Variants in GOSR1 observed in about 807,000 individuals in gnomAD.
GOSR1 encodes the protein 28 kDa Golgi SNARE protein.
A neutral mutation model predicts 35.5 loss-of-function variants in GOSR1; 21 were observed. That is an observed-to-expected ratio of 0.59 (90% CI 0.42 to 0.85). GOSR1 has a LOEUF of 0.85. Among genes scored for constraint, GOSR1 ranks in the 40% least tolerant of loss-of-function variants. The probability of loss-of-function intolerance (pLI) is 0.00; values close to 1 mark genes in which losing one functional copy is unlikely to be tolerated. For synonymous variants in GOSR1, 94 were observed against 106.6 expected, an observed-to-expected ratio of 0.88 and a Z score of 0.73; for missense variants, 285 against 309.6, an observed-to-expected ratio of 0.92 and a Z score of 0.60.
At chr17:30,507,145 A>G (rs930262098) in intron 6 of GOSR1, among the ~76,000 whole-genome samples, 1 of 152,204 alleles carries the variant, frequency 6.6e-6, no homozygotes, top group African/African-American at 2.4e-5. Flanking sequence ...TTGACTTTTA[A>G]GTCTTATTAT....
chr17:30,492,885 A>T (rs1915132738), intron 6 of GOSR1, 132 bp downstream of exon 6: 4 of 589,670 alleles, frequency 6.8e-6, no homozygotes, highest in Non-Finnish European at 1.2e-5. Flanking sequence ...TCTCCTAATG[A>T]CTCTTTTCAA....
chr17:30,494,299 G>A (rs1966909972), intron 6 of GOSR1, among the ~76,000 whole-genome samples: 1 of 151,924 alleles, frequency 6.6e-6, no homozygotes. Flanking sequence ...AGCAATTTAT[G>A]TTATGGATGA....
chr17:30,497,438 ATCTTTTTGGGGTAAGAACCTTT>A (rs1202168984), intron 6 of GOSR1, among the ~76,000 whole-genome samples: 1 of 152,160 alleles, frequency 6.6e-6, no homozygotes, highest in African/African-American at 2.4e-5. Context: ...TGTGGACTCT[ATCTTTTTGGGGTAAGAACCTTT>A]AAATTCTCTG....
rs773900657 is a variant in GOSR1, at chr17:30,522,304, C to T, written c.673C>T (p.Arg225Trp). The T allele has an allele frequency of 1.2e-5, 19 of 1,609,174 alleles. No individual in the cohort carries two copies. The highest frequency in any genetic ancestry group is 2.2e-5 in the South Asian group (2 of 90,124). ...GATCCAGAGGATCAACCTGAGGAAG[C>T]GGCGGGACTCGCTCATCCTAGGGGG... ...SLIQRINLRK[R>W]RDSLILGGVI... is the part of the protein sequence containing the mutation. The change falls in exon 9 of 9, where the codon CGG (arginine) becomes TGG (tryptophan). Residue 225 changes from arginine (R) to tryptophan (W), a missense_variant. By Grantham distance (101) the Arg-to-Trp change is moderately radical. Around this residue, in one of 3 missense-constraint regions of GOSR1, gnomAD observed 168 missense variants for 183.2 expected, o/e 0.92. Coordinates refer to ENST00000451249, the MANE Select transcript of GOSR1 (RefSeq NM_001007025.2).
chr17:30,509,453 A>G (rs745883641), intron 6 of GOSR1, among the ~76,000 whole-genome samples: 2 of 152,262 alleles, frequency 1.3e-5, no homozygotes, highest in Admixed American at 6.5e-5. Context: ...TAATATATGC[A>G]GTAACTTAGA....
Position 30,522,576 on chromosome 17 carries a change from A to G in GOSR1, c.*198A>G. 1 of 402,858 alleles carries G rather than the reference A, an allele frequency of 2.5e-6. No homozygotes were observed. Among genetic ancestry groups the G allele is most frequent in the Non-Finnish European group, 4.3e-6 (1 of 230,192 alleles). 25.0% of individuals were successfully genotyped at this position (402,858 alleles called of 1,614,324 possible). Reference sequence around the variant, plus strand: ...TTCTCTGTGCTGTGTTTTCTAACACATTTTTCTGTTTTTAATTAAAAAAAA... The same window carrying G: ...TTCTCTGTGCTGTGTTTTCTAACACGTTTTTCTGTTTTTAATTAAAAAAAA... On this transcript the variant is annotated 3_prime_UTR_variant, in exon 9 of 9. Transcript: ENST00000451249.
chr17:30,483,474 C>G (rs956094702), intron 2 of GOSR1, among the ~76,000 whole-genome samples: 1 of 152,072 alleles, frequency 6.6e-6, no homozygotes, highest in East Asian at 1.9e-4. Flanking sequence ...GCATATTGTT[C>G]TTTTTCATAT....
At chr17:30,494,563 G>A (rs1198683333) in intron 6 of GOSR1, among the ~76,000 whole-genome samples, 1 of 151,816 alleles carries the variant, frequency 6.6e-6, no homozygotes, top group African/African-American at 2.4e-5. Context: ...AGTTAATTTT[G>A]TATAGTTCTT....
At position 30,522,986 on chromosome 17, in the gene GOSR1, G is replaced by C. The variant is rs544395650; in HGVS notation, c.*608G>C. The C allele has an allele frequency of 6.6e-4, 138 of 208,302 alleles. 1 individual carries two copies. The Middle Eastern group carries it at 8.8e-3, about 13-fold the overall frequency. The allele number at this position is 208,302 out of a possible 1,614,324, so 12.9% of individuals were successfully genotyped here. A position where few individuals can be genotyped will look rare whatever the true frequency, so the allele number is the denominator to read the frequency against. On this transcript the variant is annotated 3_prime_UTR_variant, in exon 9 of 9. Transcript: ENST00000451249. ...GAGCGCCGCCACGCCTGACTGCCTC[G>C]GCCTCCCGAGGTGCCGGGATTGCAG...
chr17:30,486,273 T>G (rs1914678114), intron 4 of GOSR1, among the ~76,000 whole-genome samples: 1 of 151,932 alleles, frequency 6.6e-6, no homozygotes, highest in African/African-American at 2.4e-5. Flanking sequence ...TCCAAGCACT[T>G]TGGAGGTCTG....
intron 7 of GOSR1, among the ~76,000 whole-genome samples, chr17:30,516,473 C>CAAAAAAA (rs1445420438): frequency 0.06 from 8,222 of 136,618 alleles, 989 homozygotes; most frequent in African/African-American, 0.2. Flanking sequence ...CCGTCTCAAA[C>CAAAAAAA]AAAAAAAAAG....
chr17:30,501,848 G>A (rs1967222840), intron 6 of GOSR1, among the ~76,000 whole-genome samples: 1 of 152,222 alleles, frequency 6.6e-6, no homozygotes. Flanking sequence ...TAGCAGTCAT[G>A]CTCCTAGTGA....
At chr17:30,522,140 C>T in intron 8 of GOSR1, 114 bp from the exon 9 acceptor site, 1 of 816,838 alleles carries the variant, frequency 1.2e-6, no homozygotes, top group Non-Finnish European at 1.9e-6. Context: ...GAGTTTCTTC[C>T]CCATGCCTTT....
chr17:30,500,523 T>C (rs1967162665), intron 6 of GOSR1, among the ~76,000 whole-genome samples: 1 of 152,232 alleles, frequency 6.6e-6, no homozygotes, highest in Non-Finnish European at 1.5e-5. Flanking sequence ...TGTTGACATC[T>C]TTCTAGAGAA....
At chr17:30,518,219 C>T (rs925981246) in intron 7 of GOSR1, among the ~76,000 whole-genome samples, 7 of 152,144 alleles carry the variant, frequency 4.6e-5, no homozygotes, top group African/African-American at 1.7e-4. Context: ...CTAAGCTTCC[C>T]TGCTGTCAGT....
intron 4 of GOSR1, among the ~76,000 whole-genome samples, chr17:30,486,727 T>C (rs1481054178): frequency 1.3e-5 from 2 of 152,120 alleles, no homozygotes; most frequent in Admixed American, 1.3e-4. Context: ...GATAACCTGT[T>C]AGAAAATACA....
chr17:30,496,898 C>T (rs1967025973), intron 6 of GOSR1, among the ~76,000 whole-genome samples: 1 of 152,164 alleles, frequency 6.6e-6, no homozygotes, highest in Non-Finnish European at 1.5e-5. Context: ...CATAGAAGTA[C>T]TCTCTGATTT....
intron 4 of GOSR1, among the ~76,000 whole-genome samples, chr17:30,488,031 C>T (rs1490030591): frequency 6.6e-6 from 1 of 151,810 alleles, no homozygotes; most frequent in Non-Finnish European, 1.5e-5. Flanking sequence ...ACCTCGGCCT[C>T]CCAAAGTGCT....
intron 7 of GOSR1, among the ~76,000 whole-genome samples, chr17:30,514,182 G>A (rs928176502): frequency 6.6e-6 from 1 of 152,048 alleles, no homozygotes; most frequent in Admixed American, 6.6e-5. Context: ...TTTCATTTGG[G>A]GATCAAAAAT....
Sources: gnomAD v4.1 joint callset for allele counts (sites outside exome capture counted in the v4.1 genomes callset) on GRCh38, gnomAD v4.1.1 for gene constraint, gnomAD v4.1.1 regional missense constraint, MANE v1.5 for transcripts, NCBI Gene and HGNC (gene_info 2026-07-23, HGNC 2026-07-21) for gene names.